Variants in TTC28 observed in about 807,000 individuals in gnomAD.
TTC28 encodes the protein tetratricopeptide repeat protein 28.
Under a neutral mutation model 198.0 loss-of-function variants are expected in TTC28, and 61 were observed. That is an observed-to-expected ratio of 0.31 (90% CI 0.25 to 0.38). TTC28 has a LOEUF of 0.38. Among genes scored for constraint, TTC28 ranks in the 10% least tolerant of loss-of-function variants. The probability of loss-of-function intolerance (pLI) is 1.00; values close to 1 mark genes in which losing one functional copy is unlikely to be tolerated. For synonymous variants in TTC28, 1,171 were observed against 1,297.8 expected (o/e 0.90, Z 2.10); for missense variants, 2,678 against 3,164.0 (o/e 0.85, Z 3.69).
Position 28,163,110 on chromosome 22 carries a change from G to A in TTC28, c.1423C>T (p.Arg475Ter), listed in dbSNP as rs1601408738. 1.3e-6 allele frequency: 2 copies of A among 1,550,336 alleles called. No individual in the cohort carries two copies. The highest frequency in any genetic ancestry group is 1.7e-6 in the Non-Finnish European group (2 of 1,146,364). Reference protein sequence around the residue: ...EDLKDRAAEGRASSNLGIIHQ... With the variant: ...EDLKDRAAEG Reference sequence around the variant, plus strand: ...TTCTTACCTAGATTGGAGGATGCTCGCCCCTCTGCAGCCCGGTCCTTGAGA... The same window carrying A: ...TTCTTACCTAGATTGGAGGATGCTCACCCCTCTGCAGCCCGGTCCTTGAGA... The change falls in exon 6 of 23, where the codon CGA becomes TGA. Residue 475 changes from arginine (R) to a stop codon, truncating the protein, a stop_gained. Coordinates refer to ENST00000397906, the MANE Select transcript of TTC28 (RefSeq NM_001145418.2). LOFTEE classifies it high-confidence loss of function.
At chr22:28,060,512 T>A (rs951603514) in intron 12 of TTC28, among the ~76,000 whole-genome samples, 1 of 152,218 alleles carries the variant, frequency 6.6e-6, no homozygotes, top group Non-Finnish European at 1.5e-5. Context: ...GACATCTGGG[T>A]TGTTTCCAAG....
At chr22:28,098,783 T>A (rs1942047276) in intron 10 of TTC28, 132 bp downstream of exon 10, 1 of 1,167,886 alleles carries the variant, frequency 8.6e-7, no homozygotes, top group Non-Finnish European at 1.2e-6. Flanking sequence ...TGGTTGTAGT[T>A]GTGGCTTCAC....
chr22:28,067,933 A>C (rs1276820009), intron 12 of TTC28, among the ~76,000 whole-genome samples: 1 of 152,168 alleles, frequency 6.6e-6, no homozygotes, highest in Non-Finnish European at 1.5e-5. Context: ...CTACGTGCCT[A>C]AGCTATGTAA....
intron 12 of TTC28, among the ~76,000 whole-genome samples, chr22:28,078,163 C>T (rs1941227095): frequency 6.6e-6 from 1 of 152,174 alleles, no homozygotes; most frequent in African/African-American, 2.4e-5. Flanking sequence ...TTTTCAGAAA[C>T]TCCTTTGTAG....
At chr22:28,303,485 T>TA (rs1424702682) in intron 3 of TTC28, among the ~76,000 whole-genome samples, 1 of 151,816 alleles carries the variant, frequency 6.6e-6, no homozygotes, top group Non-Finnish European at 1.5e-5. Flanking sequence ...TGAGTGAAAC[T>TA]AAAAAAATAA....
chr22:28,438,254 ACTTAGC>A (rs2047554337), intron 2 of TTC28, among the ~76,000 whole-genome samples: 1 of 152,230 alleles, frequency 6.6e-6, no homozygotes, highest in Admixed American at 6.5e-5. Context: ...AAAATTTAAG[ACTTAGC>A]CTTATAATAC....
At chr22:28,599,429 A>G (rs1371220811) in intron 2 of TTC28, among the ~76,000 whole-genome samples, 1 of 152,220 alleles carries the variant, frequency 6.6e-6, no homozygotes, top group Admixed American at 6.5e-5. Context: ...AGCTTGGCAC[A>G]ATGGCTCATG....
intron 3 of TTC28, among the ~76,000 whole-genome samples, chr22:28,299,464 A>C (rs1304402887): frequency 2.0e-5 from 3 of 152,218 alleles, no homozygotes; most frequent in African/African-American, 7.2e-5. Context: ...ACAGAGAACA[A>C]AGAACATTTT....
At chr22:28,628,708 G>A (rs1555904079) in intron 2 of TTC28, among the ~76,000 whole-genome samples, 1 of 152,120 alleles carries the variant, frequency 6.6e-6, no homozygotes, top group Non-Finnish European at 1.5e-5. Context: ...GGGAGACCGA[G>A]GCAGGCAGAT....
At chr22:28,219,546 A>G (rs1393864657) in intron 5 of TTC28, among the ~76,000 whole-genome samples, 1 of 151,956 alleles carries the variant, frequency 6.6e-6, no homozygotes, top group Non-Finnish European at 1.5e-5. Context: ...TCATAGACCT[A>G]CTGTGGAGAA....
At chr22:28,473,359 G>T (rs1240039763) in intron 2 of TTC28, among the ~76,000 whole-genome samples, 2 of 152,150 alleles carry the variant, frequency 1.3e-5, no homozygotes, top group Non-Finnish European at 2.9e-5. Context: ...AACTCTGGAG[G>T]TGGGGCTTGA....
Position 27,998,742 on chromosome 22 carries a change from G to T in TTC28, c.4917C>A (p.Ile1639=). 1 of 1,550,810 alleles carries T rather than the reference G, an allele frequency of 6.4e-7. No homozygotes were observed. The highest frequency in any genetic ancestry group is 8.7e-7 in the Non-Finnish European group (1 of 1,147,006). The change falls in exon 16 of 23, where the codon ATC becomes ATA. Residue 1639 remains isoleucine (I), a synonymous_variant. Transcript: ENST00000397906. ...CAGCCAGGAAGGCCCTTGTCAGCGC[G>T]ATGACCCCGTCGGCTGTGACTTTGC... The part of the protein sequence containing the change: ...SNSKVTADGV[I]ALTRAFLAAG...
intron 4 of TTC28, 147 bp downstream of exon 4, chr22:28,297,433 G>A: frequency 9.3e-6 from 9 of 965,260 alleles, no homozygotes; most frequent in South Asian, 2.1e-5. Context: ...TCAAATTCCT[G>A]GCCTTAAGCA....
At chr22:28,485,005 C>G (rs955704373) in intron 2 of TTC28, among the ~76,000 whole-genome samples, 24 of 152,112 alleles carry the variant, frequency 1.6e-4, no homozygotes, top group African/African-American at 5.1e-4. Flanking sequence ...CAGTTTTCTC[C>G]CATGATATTA....
At chr22:28,064,306 A>C (rs930101306) in intron 12 of TTC28, among the ~76,000 whole-genome samples, 2 of 152,296 alleles carry the variant, frequency 1.3e-5, no homozygotes, top group African/African-American at 4.8e-5. Flanking sequence ...ACTGACACAC[A>C]AATCAGAGGG....
At position 28,096,393 on chromosome 22, in the gene TTC28, G is replaced by C. The variant is rs1941973721; in HGVS notation, c.3563C>G (p.Ala1188Gly). 2.6e-6 allele frequency: 4 copies of C among 1,551,354 alleles called. No homozygotes were observed. Among genetic ancestry groups the C allele is most frequent in the Non-Finnish European group, 2.6e-6 (3 of 1,147,038 alleles). Reference protein sequence around the residue: ...VLVSLGHHDEALAVAERGRTR... With the variant: ...VLVSLGHHDEGLAVAERGRTR... The stretch of plus-strand genomic sequence containing the variant: ...CCGTCCCCTTTCTGCCACAGCCAGG[G>C]CTTCATCATGATGGCCTAGGAGACA... The change falls in exon 11 of 23, where the codon GCC becomes GGC. Residue 1188 changes from alanine to glycine, a missense_variant. This residue lies in a region of TTC28 where 727 missense variants were observed against 861.9 expected (regional missense o/e 0.84). Transcript: ENST00000397906.
At chr22:28,017,138 C>T (rs1422011184) in intron 13 of TTC28, among the ~76,000 whole-genome samples, 1 of 152,140 alleles carries the variant, frequency 6.6e-6, no homozygotes, top group Non-Finnish European at 1.5e-5. Flanking sequence ...GGCTGCAGCA[C>T]GTGGAAAGCC....
At chr22:28,398,653 A>G (rs1438365839) in intron 2 of TTC28, among the ~76,000 whole-genome samples, 2 of 152,236 alleles carry the variant, frequency 1.3e-5, no homozygotes, top group African/African-American at 4.8e-5. Flanking sequence ...TGCTGCAGAA[A>G]AAGCCTGCTG....
chr22:28,003,369 G>A (rs1937793800), intron 14 of TTC28, among the ~76,000 whole-genome samples: 1 of 152,136 alleles, frequency 6.6e-6, no homozygotes, highest in South Asian at 2.1e-4. Flanking sequence ...TGCTCAGTGG[G>A]AACTGTGCTG....
Sources: gnomAD v4.1 joint callset for allele counts (sites outside exome capture counted in the v4.1 genomes callset) on GRCh38, gnomAD v4.1.1 for gene constraint, gnomAD v4.1.1 regional missense constraint, MANE v1.5 for transcripts, NCBI Gene and HGNC (gene_info 2026-07-23, HGNC 2026-07-21) for gene names.